Variants in PROM1 observed in about 807,000 individuals in gnomAD.
PROM1 encodes prominin 1.
PROM1 carries 105 observed loss-of-function variants against 116.9 expected under a neutral mutation model. The ratio of observed to expected loss-of-function variants is 0.90; its 90% confidence interval spans 0.77 to 1.06. PROM1 has a LOEUF of 1.06. Ranked by LOEUF, PROM1 falls within the 50% of genes least tolerant of loss-of-function variation. PROM1 has a pLI of 0.00. For missense variants in PROM1, 1,122 were observed against 1,045.2 expected, an observed-to-expected ratio of 1.07 and a Z score of -1.01; for synonymous variants, 393 against 387.0, an observed-to-expected ratio of 1.02 and a Z score of -0.18.
chr4:16,011,997 TTTTG>T (rs1410311076), intron 11 of PROM1, among the ~76,000 whole-genome samples: 1 of 151,762 alleles, frequency 6.6e-6, no homozygotes, highest in Non-Finnish European at 1.5e-5. Context: ...TTCTGTTCTT[TTTTG>T]TTTGTTTGTT....
At chr4:15,985,628 C>A (rs1719171009) in intron 22 of PROM1, 132 bp downstream of exon 22, 2 of 743,712 alleles carry the variant, frequency 2.7e-6, no homozygotes, top group Admixed American at 4.9e-5. Context: ...TGGTCCTGCA[C>A]ATCAATGTCC....
At chr4:16,054,351 ATC>A (rs1348733177) in intron 2 of PROM1, among the ~76,000 whole-genome samples, 1 of 152,140 alleles carries the variant, frequency 6.6e-6, no homozygotes, top group African/African-American at 2.4e-5. Flanking sequence ...TCCAATTCAA[ATC>A]AAAGTGAAAT....
At chr4:16,053,504 T>G (rs1051780233) in intron 2 of PROM1, among the ~76,000 whole-genome samples, 2 of 152,192 alleles carry the variant, frequency 1.3e-5, no homozygotes, top group African/African-American at 4.8e-5. Context: ...TGAGAAAATA[T>G]GGGCACTAAA....
chr4:15,998,428 A>T lies in PROM1; in HGVS notation c.1639T>A (p.Phe547Ile), dbSNP rs112222154. 3 of 1,609,274 alleles carry T rather than the reference A, an allele frequency of 1.9e-6. No individual in the cohort carries two copies. Residue 547 changes from phenylalanine (F) to isoleucine (I), a missense_variant, in exon 15 of 28, where the codon TTT becomes ATT. Phe to Ile is a conservative substitution (Grantham distance 21, BLOSUM62 0). Coordinates refer to ENST00000447510, the MANE Select transcript of PROM1 (RefSeq NM_006017.3). ...DWEYYLSGKL[F>I]NKSKMKLTFE... Reference sequence around the variant, plus strand: ...GTGAGCTTCATTTTTGATTTATTAAATAGCTTCCCAGAGAGATAGTATTCC... The same window carrying T: ...GTGAGCTTCATTTTTGATTTATTAATTAGCTTCCCAGAGAGATAGTATTCC...
rs78268329 is a variant in PROM1, at chr4:15,975,184, C to A, written c.2583-4102G>T. Among the ~76,000 whole-genome samples the A allele has an allele frequency of 2.1e-3, 326 of 152,296 alleles. 2 individuals carry two copies. The highest frequency in any genetic ancestry group is 7.4e-3 in the African/African-American group (309 of 41,560). ...GGGTGAATGTTTTGCCTTGTTACCT[C>A]ATTGAACCCTCACAACCCTACGCAA... On this transcript the variant is annotated intron_variant, in intron 26 of 27. Transcript: ENST00000447510.
chr4:16,018,643 T>A, intron 8 of PROM1, 103 bp from the exon 9 acceptor site: 1 of 1,036,598 alleles, frequency 9.6e-7, no homozygotes, highest in African/African-American at 1.6e-5. Context: ...TGACTTTAGA[T>A]GGCAGTGAGA....
At chr4:15,995,684 C>T (rs1030496369) in intron 15 of PROM1, among the ~76,000 whole-genome samples, 1 of 152,124 alleles carries the variant, frequency 6.6e-6, no homozygotes, top group Non-Finnish European at 1.5e-5. Flanking sequence ...GGCCGAGGTA[C>T]CTTTTTCCTT....
chr4:16,058,657 A>G (rs1236611857), intron 2 of PROM1, among the ~76,000 whole-genome samples: 2 of 152,190 alleles, frequency 1.3e-5, no homozygotes, highest in East Asian at 3.9e-4. Flanking sequence ...CGGGAAAAAA[A>G]AAAAAAAATG....
In PROM1 at chr4:15,994,074, G is replaced by A. The variant is rs143470288; in HGVS notation, c.1683-3C>T. The stretch of plus-strand genomic sequence containing the variant: ...TGCCTCTATTTTTTTTGCAGTCACT[G>A]TGGGAATGAACAGAGAAATTAGGAC... On this transcript the variant is annotated splice_region_variant and splice_polypyrimidine_tract_variant and intron_variant, in intron 15 of 27. Transcript: ENST00000447510. 1,524 of 1,613,886 alleles carry A rather than the reference G, an allele frequency of 9.4e-4. 15 individuals are homozygous for A. The African/African-American group carries it at 0.017, about 18-fold the overall frequency.
At chr4:16,067,323 AT>A (rs566166868) in intron 2 of PROM1, among the ~76,000 whole-genome samples, 259 of 152,310 alleles carry the variant, frequency 1.7e-3, no homozygotes, top group Non-Finnish European at 2.2e-3. Context: ...AAAAGTGGCA[AT>A]TATGACTTGC....
chr4:15,997,483 G>GAAT (rs1404568169), intron 15 of PROM1, among the ~76,000 whole-genome samples: 2 of 151,566 alleles, frequency 1.3e-5, no homozygotes, highest in African/African-American at 4.8e-5. Context: ...TTTCCTGAGA[G>GAAT]AAAGTCTCAC....
At chr4:16,008,855 T>C in intron 12 of PROM1, 94 bp downstream of exon 12, 3 of 1,231,646 alleles carry the variant, frequency 2.4e-6, no homozygotes, top group Non-Finnish European at 3.4e-6. Flanking sequence ...TACAATTTGC[T>C]CTCATAAGAT....
chr4:16,033,815 G>A (rs1321235932), intron 4 of PROM1, among the ~76,000 whole-genome samples: 4 of 151,582 alleles, frequency 2.6e-5, no homozygotes, highest in Non-Finnish European at 5.9e-5. Flanking sequence ...CTCCCAAAGT[G>A]CTGGGATTAC....
At chr4:15,981,296 T>TGCGGTG in intron 23 of PROM1, among the ~76,000 whole-genome samples, 1 of 147,092 alleles carries the variant, frequency 6.8e-6, no homozygotes, top group East Asian at 2.3e-4. Context: ...ATTAGCCAGG[T>TGCGGTG]GCGGTGGCTC....
chr4:16,079,252 C>A (rs1744550360), intron 1 of PROM1: 1 of 152,194 alleles, frequency 6.6e-6, no homozygotes, highest in Non-Finnish European at 1.5e-5. Context: ...AACAAACAGG[C>A]TCTCCAACTC....
At position 16,013,352 on chromosome 4, in the gene PROM1, C is replaced by G; in HGVS notation, c.1078-14G>C. ...GGATTGATAGCCCTGAAAAATATTT[C>G]AAAATAAAAGGATGTACACAGTTAA... On this transcript the variant is annotated splice_polypyrimidine_tract_variant and intron_variant, in intron 10 of 27. Coordinates refer to ENST00000447510, the MANE Select transcript of PROM1 (RefSeq NM_006017.3). 6.3e-7 allele frequency: 1 copy of G among 1,582,292 alleles called. No individual in the cohort carries two copies. Among genetic ancestry groups the G allele is most frequent in the Middle Eastern group, 1.7e-4 (1 of 6,014 alleles).
chr4:15,971,345 T>C, intron 26 of PROM1: 1 of 437,182 alleles, frequency 2.3e-6, no homozygotes, highest in Non-Finnish European at 4.1e-6. Flanking sequence ...CAATCTAAGG[T>C]TAAAAGTGTT....
Position 15,992,268 on chromosome 4 carries a change from A to T in PROM1, c.1891T>A (p.Tyr631Asn). 1 of 1,613,962 alleles carries T rather than the reference A, an allele frequency of 6.2e-7. No individual in the cohort carries two copies. The highest frequency in any genetic ancestry group is 8.5e-7 in the Non-Finnish European group (1 of 1,179,868). ...CATACCTGAGCCAAGTAGCTGTCAT[A>T]ATTCATTCTGTCTATTCCACAAGCA... ...FAACGIDRMN[Y>N]DSYLAQTGKS... Residue 631 changes from tyrosine to asparagine, a missense_variant, in exon 17 of 28, where the codon TAT becomes AAT. Transcript: ENST00000447510.
chr4:16,012,288 C>T (rs1231966562), intron 11 of PROM1, among the ~76,000 whole-genome samples: 11 of 152,170 alleles, frequency 7.2e-5, no homozygotes, highest in Admixed American at 1.3e-4. Flanking sequence ...TGAGCCACTG[C>T]GCCCAGCCCA....
Sources: gnomAD v4.1 joint callset for allele counts (sites outside exome capture counted in the v4.1 genomes callset) on GRCh38, gnomAD v4.1.1 for gene constraint, MANE v1.5 for transcripts, NCBI Gene and HGNC (gene_info 2026-07-23, HGNC 2026-07-21) for gene names.